PARD3: variants seen among roughly 807,000 people sequenced by gnomAD.
PARD3 encodes the protein par-3 family cell polarity regulator.
In PARD3, 75 loss-of-function variants were observed where a neutral mutation model predicts 155.4. That is an observed-to-expected ratio of 0.48 (90% CI 0.40 to 0.58). The LOEUF (loss-of-function observed/expected upper bound fraction) is 0.58, where lower values mean the gene tolerates loss of function less well. Among genes scored for constraint, PARD3 ranks in the 20% least tolerant of loss-of-function variants. The probability of loss-of-function intolerance (pLI) is 0.00; values close to 1 mark genes in which losing one functional copy is unlikely to be tolerated. For synonymous variants in PARD3, 576 were observed against 610.5 expected (o/e 0.94, Z 0.83); for missense variants, 1,642 against 1,721.7 (o/e 0.95, Z 0.82).
At chr10:34,330,575 A>C (rs1349381970) in intron 19 of PARD3, among the ~76,000 whole-genome samples, 2 of 152,194 alleles carry the variant, frequency 1.3e-5, no homozygotes, top group East Asian at 3.9e-4. Context: ...GAGACACTAC[A>C]AAGTAGTGGT....
At chr10:34,788,177 A>G (rs1157807050) in intron 1 of PARD3, among the ~76,000 whole-genome samples, 5 of 152,146 alleles carry the variant, frequency 3.3e-5, no homozygotes, top group Non-Finnish European at 7.3e-5. Flanking sequence ...AGACATCAGG[A>G]AACTTTTGAA....
chr10:34,730,702 A>G (rs542548838), intron 1 of PARD3, among the ~76,000 whole-genome samples: 2 of 152,318 alleles, frequency 1.3e-5, no homozygotes, highest in East Asian at 3.9e-4. Context: ...TGGGAGGCTC[A>G]CTTGGGCACA....
chr10:34,117,530 TTTGATTCACTGGG>T (rs1398295483), intron 24 of PARD3, among the ~76,000 whole-genome samples: 1 of 152,210 alleles, frequency 6.6e-6, no homozygotes, highest in Non-Finnish European at 1.5e-5. Flanking sequence ...TGCTTAGGCA[TTTGATTCACTGGG>T]TTGATTCACA....
At chr10:34,342,444 T>C (rs747885528) in intron 15 of PARD3, among the ~76,000 whole-genome samples, 70 of 152,200 alleles carry the variant, frequency 4.6e-4, no homozygotes, top group Non-Finnish European at 7.8e-4. Context: ...AATATGATCT[T>C]TTCTGCCAGA....
intron 22 of PARD3, among the ~76,000 whole-genome samples, chr10:34,259,030 C>A (rs1325982581): frequency 6.6e-6 from 1 of 151,982 alleles, no homozygotes; most frequent in Non-Finnish European, 1.5e-5. Context: ...AATTGCACCA[C>A]TGACTCCAGC....
intron 19 of PARD3, among the ~76,000 whole-genome samples, chr10:34,318,849 T>C (rs1222880026): frequency 6.6e-6 from 1 of 152,094 alleles, no homozygotes; most frequent in Non-Finnish European, 1.5e-5. Flanking sequence ...CACTGCAACC[T>C]CCGCCTCCTG....
chr10:34,531,332 T>G (rs1011713284), intron 2 of PARD3, among the ~76,000 whole-genome samples: 10 of 152,218 alleles, frequency 6.6e-5, no homozygotes, highest in Non-Finnish European at 1.5e-4. Context: ...CAGAAGTTAT[T>G]AATACTTCTG....
At chr10:34,639,785 G>C (rs1355908464) in intron 2 of PARD3, among the ~76,000 whole-genome samples, 1 of 152,100 alleles carries the variant, frequency 6.6e-6, no homozygotes, top group Non-Finnish European at 1.5e-5. Context: ...AGAACTGCTT[G>C]AGGCCAGGAG....
chr10:34,648,094 T>C (rs535234916), intron 2 of PARD3, among the ~76,000 whole-genome samples: 1 of 152,202 alleles, frequency 6.6e-6, no homozygotes, highest in South Asian at 2.1e-4. Flanking sequence ...GGGATCGCCA[T>C]GCGGCCTGCA....
At chr10:34,257,869 G>A (rs1412356533) in intron 22 of PARD3, among the ~76,000 whole-genome samples, 2 of 152,060 alleles carry the variant, frequency 1.3e-5, no homozygotes, top group African/African-American at 4.8e-5. Flanking sequence ...TCATTTGTTG[G>A]GTGTTTTATG....
chr10:34,109,762 G>A lies in PARD3; in HGVS notation c.*1407C>T, dbSNP rs771592669. The A allele has an allele frequency of 6.6e-6, 1 of 152,014 alleles. No individual in the cohort carries two copies. Among genetic ancestry groups the A allele is most frequent in the Non-Finnish European group, 1.5e-5 (1 of 68,010 alleles). 9.4% of individuals were successfully genotyped at this position (152,014 alleles called of 1,614,324 possible). On this transcript the variant is annotated 3_prime_UTR_variant, in exon 25 of 25. Coordinates refer to ENST00000374788, the MANE Select transcript of PARD3 (RefSeq NM_001184785.2). ...ATGCAGAAGAGACACGGGTACGTGT[G>A]TGGACACATCATTTCTAAAAACAAG...
chr10:34,741,174 A>ATTTTTTTTTTTTTTTTTTTTTTT (rs71033345), intron 1 of PARD3, among the ~76,000 whole-genome samples: 3 of 114,282 alleles, frequency 2.6e-5, no homozygotes, highest in Non-Finnish European at 3.4e-5. Context: ...CGTAAACCAA[A>ATTTTTTTTTTTTTTTTTTTTTTT]TTTTTTTTTT....
chr10:34,740,095 T>C (rs1195342190), intron 1 of PARD3, among the ~76,000 whole-genome samples: 1 of 152,134 alleles, frequency 6.6e-6, no homozygotes, highest in Non-Finnish European at 1.5e-5. Flanking sequence ...AGGCGACAGC[T>C]GGTGAGAGCC....
At chr10:34,527,637 G>A (rs916320387) in intron 2 of PARD3, among the ~76,000 whole-genome samples, 9 of 152,180 alleles carry the variant, frequency 5.9e-5, no homozygotes, top group African/African-American at 2.2e-4. Context: ...CTGAATGAAA[G>A]TCCAGGTGAA....
At chr10:34,339,164 T>C (rs1024218401) in intron 16 of PARD3, among the ~76,000 whole-genome samples, 5 of 152,218 alleles carry the variant, frequency 3.3e-5, no homozygotes, top group African/African-American at 1.2e-4. Flanking sequence ...TTATATATTG[T>C]CAGTGGATCT....
At chr10:34,287,418 G>A (rs1166112514) in intron 20 of PARD3, among the ~76,000 whole-genome samples, 1 of 151,882 alleles carries the variant, frequency 6.6e-6, no homozygotes, top group Non-Finnish European at 1.5e-5. Context: ...ATACAACTCT[G>A]CACCATAATT....
At chr10:34,802,716 C>T (rs921967988) in intron 1 of PARD3, among the ~76,000 whole-genome samples, 1 of 151,970 alleles carries the variant, frequency 6.6e-6, no homozygotes, top group African/African-American at 2.4e-5. Flanking sequence ...GACAGTTTTG[C>T]CACATGATTT....
chr10:34,216,992 CT>C (rs1337717174), intron 22 of PARD3, among the ~76,000 whole-genome samples: 2 of 152,192 alleles, frequency 1.3e-5, no homozygotes, highest in Non-Finnish European at 2.9e-5. Flanking sequence ...ATATTTGTCT[CT>C]TTAACTATAT....
intron 22 of PARD3, among the ~76,000 whole-genome samples, chr10:34,243,338 G>C (rs1369840044): frequency 6.6e-6 from 1 of 152,106 alleles, no homozygotes; most frequent in African/African-American, 2.4e-5. Flanking sequence ...CATATATTAA[G>C]TACATTGCCC....
Sources: gnomAD v4.1 joint callset for allele counts (sites outside exome capture counted in the v4.1 genomes callset) on GRCh38, gnomAD v4.1.1 for gene constraint, MANE v1.5 for transcripts, NCBI Gene and HGNC (gene_info 2026-07-23, HGNC 2026-07-21) for gene names.